The following HMGN5 variants were observed in gnomAD, a reference collection of about 807,000 sequenced individuals.
HMGN5 encodes high mobility group nucleosome-binding domain-containing protein 5.
A neutral mutation model predicts 9.5 loss-of-function variants in HMGN5; 4 were observed. The observed-to-expected ratio is 0.42, with a 90% CI of 0.21 to 0.96. The LOEUF is 0.96. Ranked by LOEUF, HMGN5 falls within the 40% of genes least tolerant of loss-of-function variation. HMGN5 has a pLI of 0.30. For synonymous variants in HMGN5, 55 were observed against 57.1 expected (o/e 0.96, Z 0.16); for missense variants, 192 against 187.5 (o/e 1.02, Z -0.14).
chrX:81,132,752 A>G (rs868117193), intron 1 of HMGN5, among the ~76,000 whole-genome samples: 23 of 111,869 alleles, frequency 2.1e-4, no homozygotes, highest in African/African-American at 6.5e-4. Context: ...CTAAAAGACA[A>G]CATAGGCAAT....
intron 1 of HMGN5, among the ~76,000 whole-genome samples, chrX:81,140,328 A>C (rs905268402): frequency 9.0e-6 from 1 of 110,793 alleles, no homozygotes; most frequent in African/African-American, 3.3e-5. Flanking sequence ...TGGGAGGCCG[A>C]GGCGGGCGGA....
At chrX:81,132,365 T>C (rs971448388) in intron 1 of HMGN5, among the ~76,000 whole-genome samples, 2 of 111,448 alleles carry the variant, frequency 1.8e-5, no homozygotes, top group African/African-American at 6.5e-5. Context: ...CAAAACTATT[T>C]TAAAATTCAT....
intron 1 of HMGN5, among the ~76,000 whole-genome samples, chrX:81,185,011 C>T (rs1163088359): frequency 4.5e-5 from 5 of 111,765 alleles, no homozygotes; most frequent in Non-Finnish European, 9.4e-5. Flanking sequence ...TGTTACCATG[C>T]TGTTTTAGTT....
chrX:81,200,912 A>C (rs183164046), intron 1 of HMGN5, among the ~76,000 whole-genome samples: 1 of 111,829 alleles, frequency 8.9e-6, no homozygotes, highest in Admixed American at 9.4e-5. Flanking sequence ...TGTACTAACC[A>C]TATGATTTTA....
In HMGN5 at chrX:81,172,720, A is replaced by G. The variant is rs200649363; in HGVS notation, c.-124+29017T>C. ...ATAAACAAAAAATTTACATGATCAT[A>G]AAACATAACATGATAAAAAAATTTT... On this transcript the variant is annotated intron_variant, in intron 1 of 6. Transcript: ENST00000358130. Among the ~76,000 whole-genome samples the G allele has an allele frequency of 1.8e-4, 20 of 111,234 alleles. 1 individual carries two copies. In the East Asian group the frequency reaches 5.6e-3, roughly 31 times the overall value.
intron 1 of HMGN5, among the ~76,000 whole-genome samples, chrX:81,155,627 A>C (rs183711308): frequency 1.8e-5 from 2 of 111,742 alleles, no homozygotes; most frequent in African/African-American, 6.5e-5. Context: ...ATTTCCAGGG[A>C]ATTAAGTCGA....
chrX:81,185,019 G>C (rs2075473345), intron 1 of HMGN5, among the ~76,000 whole-genome samples: 1 of 111,643 alleles, frequency 9.0e-6, no homozygotes, highest in African/African-American at 3.3e-5. Context: ...TGCTGTTTTA[G>C]TTACTATAGC....
chrX:81,155,075 G>GTATATATATATATATA (rs761895749), intron 1 of HMGN5, among the ~76,000 whole-genome samples: 70 of 68,937 alleles, frequency 1.0e-3, no homozygotes, highest in African/African-American at 3.7e-3. Context: ...GTATATATCA[G>GTATATATATATATATA]TATATATATA....
At chrX:81,172,284 T>C (rs2075428134) in intron 1 of HMGN5, among the ~76,000 whole-genome samples, 1 of 111,146 alleles carries the variant, frequency 9.0e-6, no homozygotes, top group Non-Finnish European at 1.9e-5. Flanking sequence ...GAAGAAGATA[T>C]CTTTGAGATA....
intron 3 of HMGN5, among the ~76,000 whole-genome samples, chrX:81,119,572 A>G (rs1025905631): frequency 5.4e-5 from 6 of 112,140 alleles, no homozygotes; most frequent in Non-Finnish European, 1.1e-4. Flanking sequence ...TCTATAAAAA[A>G]AAGTGAAAAA....
At chrX:81,131,815 G>GCCCC (rs1375811877) in intron 1 of HMGN5, among the ~76,000 whole-genome samples, 1 of 111,124 alleles carries the variant, frequency 9.0e-6, no homozygotes, top group East Asian at 2.8e-4. Context: ...AGACAAAGAT[G>GCCCC]CCCCATCTCA....
In HMGN5 at chrX:81,153,636, T is replaced by C. The variant is rs186198189; in HGVS notation, c.-123-31964A>G. ...ATATATATATATATATATATATATA[T>C]ATATGTATCTCCTTGTTTATATTTG... On this transcript the variant is annotated intron_variant, in intron 1 of 6. Coordinates refer to ENST00000358130, the MANE Select transcript of HMGN5 (RefSeq NM_030763.3). Among the ~76,000 whole-genome samples the C allele has an allele frequency of 5.7e-3, 301 of 52,412 alleles. 7 individuals are homozygous for C. Among genetic ancestry groups the C allele is most frequent in the African/African-American group, 0.022 (286 of 12,908 alleles). The allele number at this position is 52,412 out of a possible 115,157, so 45.5% of individuals were successfully genotyped here.
intron 1 of HMGN5, among the ~76,000 whole-genome samples, chrX:81,174,304 TAGAC>T (rs1026413763): frequency 2.7e-5 from 3 of 111,338 alleles, no homozygotes; most frequent in African/African-American, 9.8e-5. Flanking sequence ...TCATAGTATT[TAGAC>T]AGACTTCTAC....
At chrX:81,155,818 G>C (rs1442232657) in intron 1 of HMGN5, among the ~76,000 whole-genome samples, 1 of 111,764 alleles carries the variant, frequency 8.9e-6, no homozygotes, top group African/African-American at 3.3e-5. Flanking sequence ...TGTCATAATG[G>C]AGTTGGTTTG....
intron 1 of HMGN5, among the ~76,000 whole-genome samples, 155 bp downstream of exon 1, chrX:81,201,582 G>C (rs1353243146): frequency 8.9e-6 from 1 of 111,808 alleles, no homozygotes; most frequent in East Asian, 2.8e-4. Flanking sequence ...TGCCATTTCT[G>C]GGCTTAAGGA....
At chrX:81,184,059 A>C (rs2075470370) in intron 1 of HMGN5, among the ~76,000 whole-genome samples, 1 of 111,349 alleles carries the variant, frequency 9.0e-6, no homozygotes, top group Admixed American at 9.6e-5. Context: ...TTGAGAAAGA[A>C]ATGAGTTTTG....
At chrX:81,155,277 TTATA>T (rs1229713325) in intron 1 of HMGN5, among the ~76,000 whole-genome samples, 2 of 104,717 alleles carry the variant, frequency 1.9e-5, no homozygotes, top group Non-Finnish European at 3.9e-5. Context: ...ATTTATATAA[TTATA>T]TAATATAATT....
intron 1 of HMGN5, among the ~76,000 whole-genome samples, chrX:81,147,070 C>T (rs1156804928): frequency 1.8e-5 from 2 of 111,573 alleles, no homozygotes. Context: ...ACTAGAGGTA[C>T]AAAGAGGAGC....
chrX:81,159,107 A>G (rs368273845), intron 1 of HMGN5, among the ~76,000 whole-genome samples: 1 of 111,749 alleles, frequency 8.9e-6, no homozygotes, highest in African/African-American at 3.3e-5. Flanking sequence ...GCTGGAAGCC[A>G]TTATCCTCAG....
Sources: allele counts gnomAD v4.1 joint callset (sites outside exome capture counted in the v4.1 genomes callset), GRCh38; gene constraint gnomAD v4.1.1; transcripts MANE v1.5; gene names NCBI Gene and HGNC (gene_info 2026-07-23, HGNC 2026-07-21).